The following HS3ST3B1 variants were observed in gnomAD, a reference collection of about 807,000 sequenced individuals.
HS3ST3B1 encodes heparan sulfate glucosamine 3-O-sulfotransferase 3B1.
Under a neutral mutation model 21.3 loss-of-function variants are expected in HS3ST3B1, and 13 were observed. The ratio of observed to expected loss-of-function variants is 0.61; its 90% CI spans 0.40 to 0.97. The LOEUF (loss-of-function observed/expected upper bound fraction) is 0.97, where lower values mean the gene tolerates loss of function less well. HS3ST3B1 is among the 50% of genes least tolerant of loss of function. The probability of loss-of-function intolerance (pLI) is 0.00; values close to 1 mark genes in which losing one functional copy is unlikely to be tolerated. For synonymous variants in HS3ST3B1, 234 were observed against 254.8 expected (o/e 0.92, Z 0.78); for missense variants, 459 against 554.8 (o/e 0.83, Z 1.73).
chr17:14,329,349 GAAAGAAAGAAAGAAAGAA>G (rs1567641208), intron 1 of HS3ST3B1: 5 of 100,596 alleles, frequency 5.0e-5, no homozygotes, highest in African/African-American at 2.0e-4. Context: ...AAGAAAGAAA[GAAAGAAAGAAAGAAAGAA>G]AAGGAAGGAA....
Position 14,301,363 on chromosome 17 carries a change from A to G in HS3ST3B1, c.-156A>G. On this transcript the variant is annotated 5_prime_UTR_variant, in exon 1 of 2. Transcript: ENST00000360954. ...TACAGCTGCCGCCGCCACCTGGGGA[A>G]GAGCAGCAGCAGCAGCGGCGGCCGC... 1 of 559,418 alleles carries G rather than the reference A, an allele frequency of 1.8e-6. No individual in the cohort carries two copies. The highest frequency in any genetic ancestry group is 2.8e-6 in the Non-Finnish European group (1 of 354,250). 34.7% of individuals were successfully genotyped at this position (559,418 alleles called of 1,614,324 possible).
At chr17:14,321,363 G>A (rs766397945) in intron 1 of HS3ST3B1, among the ~76,000 whole-genome samples, 1 of 152,158 alleles carries the variant, frequency 6.6e-6, no homozygotes, top group Non-Finnish European at 1.5e-5. Context: ...CTGCTGGTTC[G>A]AGAGGCTTGT....
chr17:14,346,183 C>G lies in HS3ST3B1; in HGVS notation c.*537C>G, dbSNP rs1210568044. Reference sequence around the variant, plus strand: ...CACAGCCCTAGGGTTCTGTCCCTCCCTCCATTCAGCACATGGGGAAATTTC... The same window carrying G: ...CACAGCCCTAGGGTTCTGTCCCTCCGTCCATTCAGCACATGGGGAAATTTC... On this transcript the variant is annotated 3_prime_UTR_variant, in exon 2 of 2. Coordinates refer to ENST00000360954, the MANE Select transcript of HS3ST3B1 (RefSeq NM_006041.3). The G allele has an allele frequency of 6.5e-6, 1 of 153,748 alleles. No individual in the cohort carries two copies. The highest frequency in any genetic ancestry group is 2.4e-5 in the African/African-American group (1 of 41,420). 9.5% of individuals were successfully genotyped at this position (153,748 alleles called of 1,614,324 possible).
At chr17:14,326,763 A>G (rs1021801786) in intron 1 of HS3ST3B1, among the ~76,000 whole-genome samples, 5 of 151,806 alleles carry the variant, frequency 3.3e-5, no homozygotes, top group African/African-American at 1.2e-4. Flanking sequence ...TACTACAAAT[A>G]CAAAAAAACT....
chr17:14,311,237 T>TAAAA (rs5819469), intron 1 of HS3ST3B1, among the ~76,000 whole-genome samples: 1 of 130,800 alleles, frequency 7.6e-6, no homozygotes. Flanking sequence ...CCTGGCTAAT[T>TAAAA]AAAAAAAAAA....
chr17:14,301,734 C>G lies in HS3ST3B1; in HGVS notation c.216C>G (p.His72Gln), dbSNP rs374291273. ...TGGGCTCTGGGTCCCGCGCCGCACACGACCCGCCAGCCCTGGCCACAGCTC... is the reference window on the plus strand; with the variant it reads ...TGGGCTCTGGGTCCCGCGCCGCACAGGACCCGCCAGCCCTGGCCACAGCTC... ...LLLGSGSRAA[H>Q]DPPALATAPD... The change falls in exon 1 of 2, where the codon CAC becomes CAG. Residue 72 changes from histidine to glutamine, a missense_variant. Around this residue, in one of 3 missense-constraint regions of HS3ST3B1, gnomAD observed 317 missense variants for 278.6 expected, o/e 1.14. Transcript: ENST00000360954. The G allele has an allele frequency of 6.6e-4, 1,062 of 1,597,878 alleles. 1 individual carries two copies. Among genetic ancestry groups the G allele is most frequent in the Non-Finnish European group, 8.2e-4 (962 of 1,174,170 alleles).
intron 1 of HS3ST3B1, 80 bp downstream of exon 1, chr17:14,302,152 A>G: frequency 6.8e-7 from 1 of 1,468,888 alleles, no homozygotes; most frequent in East Asian, 2.5e-5. Context: ...ATGATAGGGA[A>G]TTGGCAGGGT....
intron 1 of HS3ST3B1, among the ~76,000 whole-genome samples, chr17:14,318,184 G>A (rs1005321): frequency 0.43 from 65,706 of 151,928 alleles, 15,915 homozygotes; most frequent in Non-Finnish European, 0.54. Context: ...CCAACTCCCC[G>A]CTCGGCTCCC....
In HS3ST3B1 at chr17:14,311,237, TAAAAAAAAA is replaced by T. The variant is rs5819469; in HGVS notation, c.554+9176_554+9184del. 4.6e-5 allele frequency among the ~76,000 whole-genome samples: 6 copies of T among 130,800 alleles called. No homozygotes were observed. The Admixed American group carries it at 4.6e-4, about 10-fold the overall frequency. The allele number at this position is 130,800 out of a possible 152,430, so 85.8% of individuals were successfully genotyped here. A position where few individuals can be genotyped will look rare whatever the true frequency, so the allele number is the denominator to read the frequency against. On this transcript the variant is annotated intron_variant, in intron 1 of 1. Transcript: ENST00000360954. ...GTGCACACCACCATGCCTGGCTAAT[TAAAAAAAAA>T]AAAAAAAAAACTGTAGAGATGAGAT...
intron 1 of HS3ST3B1, among the ~76,000 whole-genome samples, chr17:14,316,616 G>C (rs1402752414): frequency 1.3e-5 from 2 of 152,108 alleles, no homozygotes; most frequent in Non-Finnish European, 2.9e-5. Context: ...TGCTCAACCT[G>C]GTTGTAATGT....
intron 1 of HS3ST3B1, among the ~76,000 whole-genome samples, chr17:14,326,921 CAAA>C (rs60800866): frequency 0.031 from 1,894 of 60,426 alleles, 29 homozygotes; most frequent in African/African-American, 0.081. Context: ...AACTCTGTCT[CAAA>C]AAAAAAAAAA....
chr17:14,336,934 G>A (rs1910201933), intron 1 of HS3ST3B1, among the ~76,000 whole-genome samples: 1 of 152,044 alleles, frequency 6.6e-6, no homozygotes, highest in Non-Finnish European at 1.5e-5. Context: ...TCTGGTGAGG[G>A]CCTTCTTGCT....
chr17:14,309,967 TC>T (rs1909254570), intron 1 of HS3ST3B1, among the ~76,000 whole-genome samples: 2 of 152,210 alleles, frequency 1.3e-5, no homozygotes, highest in South Asian at 4.1e-4. Flanking sequence ...CGAGCACGTT[TC>T]GTTTCTCCCT....
At chr17:14,342,597 G>A (rs1220598922) in intron 1 of HS3ST3B1, among the ~76,000 whole-genome samples, 1 of 152,178 alleles carries the variant, frequency 6.6e-6, no homozygotes, top group Non-Finnish European at 1.5e-5. Context: ...TATTCCATAT[G>A]TCAGGTGTAT....
chr17:14,318,680 G>A (rs745630513), intron 1 of HS3ST3B1, among the ~76,000 whole-genome samples: 106 of 152,340 alleles, frequency 7.0e-4, no homozygotes, highest in Non-Finnish European at 1.2e-3. Flanking sequence ...ACAGCCAGGA[G>A]GCAGCTGGTT....
chr17:14,302,377 T>A (rs545657021), intron 1 of HS3ST3B1, among the ~76,000 whole-genome samples: 2 of 152,302 alleles, frequency 1.3e-5, no homozygotes, highest in Admixed American at 1.3e-4. Flanking sequence ...CGAGCCACCC[T>A]CTAACCATGG....
At chr17:14,329,403 G>A (rs1909928710) in intron 1 of HS3ST3B1, 1 of 143,994 alleles carries the variant, frequency 6.9e-6, no homozygotes, top group Non-Finnish European at 1.5e-5. Flanking sequence ...GAGGAAGGAA[G>A]GAAAAGAGAG....
At chr17:14,316,563 G>A (rs1043735525) in intron 1 of HS3ST3B1, among the ~76,000 whole-genome samples, 4 of 152,124 alleles carry the variant, frequency 2.6e-5, no homozygotes, top group African/African-American at 9.7e-5. Context: ...GCCCTGTGTG[G>A]CGCTTGTGGT....
chr17:14,320,342 C>A (rs72818698), intron 1 of HS3ST3B1, among the ~76,000 whole-genome samples: 5,300 of 152,128 alleles, frequency 0.035, 172 homozygotes, highest in East Asian at 0.16. Context: ...AATAAGAGTT[C>A]ATGAGCAGAC....
Sources: gnomAD v4.1 joint callset for allele counts (sites outside exome capture counted in the v4.1 genomes callset) on GRCh38, gnomAD v4.1.1 for gene constraint, gnomAD v4.1.1 regional missense constraint, MANE v1.5 for transcripts, NCBI Gene and HGNC (gene_info 2026-07-23, HGNC 2026-07-21) for gene names.